Variants in DOCK3 observed in about 807,000 individuals in gnomAD.
DOCK3 encodes the protein dedicator of cytokinesis protein 3.
Under a neutral mutation model 265.6 loss-of-function variants are expected in DOCK3, and 60 were observed. The ratio of observed to expected loss-of-function variants is 0.23; its 90% confidence interval spans 0.18 to 0.28. The LOEUF (loss-of-function observed/expected upper bound fraction) is 0.28, where lower values mean the gene tolerates loss of function less well. Ranked by LOEUF, DOCK3 falls within the 10% of genes least tolerant of loss-of-function variation. The pLI, the probability that DOCK3 is intolerant of heterozygous loss-of-function variation, is 1.00. For missense variants in DOCK3, 1,981 were observed against 2,594.3 expected (o/e 0.76, Z 5.14); for synonymous variants, 881 against 938.0 (o/e 0.94, Z 1.11).
chr3:50,710,459 GAT>G (rs1330708699), intron 1 of DOCK3, among the ~76,000 whole-genome samples: 1 of 152,052 alleles, frequency 6.6e-6, no homozygotes, highest in East Asian at 1.9e-4. Context: ...ACTACAATGA[GAT>G]ACCACCTTAC....
At chr3:50,781,125 G>A (rs2041888568) in intron 2 of DOCK3, among the ~76,000 whole-genome samples, 1 of 151,532 alleles carries the variant, frequency 6.6e-6, no homozygotes, top group Non-Finnish European at 1.5e-5. Context: ...AAGTGCTGAT[G>A]TCTCTTCAAT....
At chr3:51,276,221 T>C (rs2080811757) in intron 25 of DOCK3, 1 of 283,198 alleles carries the variant, frequency 3.5e-6, no homozygotes, top group Admixed American at 6.5e-5. Flanking sequence ...GGGTCTAGCT[T>C]GGCAGAGAGT....
chr3:51,072,982 A>G (rs987801543), intron 6 of DOCK3, among the ~76,000 whole-genome samples: 2 of 151,662 alleles, frequency 1.3e-5, no homozygotes, highest in Non-Finnish European at 2.9e-5. Context: ...GTCTGGGATT[A>G]TAGGCATGAG....
intron 1 of DOCK3, among the ~76,000 whole-genome samples, chr3:50,725,767 C>A (rs1179725763): frequency 1.3e-5 from 2 of 152,150 alleles, no homozygotes; most frequent in African/African-American, 4.8e-5. Flanking sequence ...TACATTTTGA[C>A]CTGTCTGCTA....
In DOCK3 at chr3:50,778,803, C is replaced by T. The variant is rs1452961882; in HGVS notation, c.121+45C>T. The T allele has an allele frequency of 3.7e-6, 5 of 1,359,194 alleles. No homozygotes were observed. In the African/African-American group the frequency reaches 5.8e-5, roughly 16 times the overall value. The allele number at this position is 1,359,194 out of a possible 1,614,324, so 84.2% of individuals were successfully genotyped here. A position where few individuals can be genotyped will look rare whatever the true frequency, so the allele number is the denominator to read the frequency against. ...GCACATAAATTGTGATCATTTTTGG[C>T]AGTATTATATACATTTATTTTGTGC... On this transcript the variant is annotated intron_variant, in intron 2 of 52. Transcript: ENST00000266037.
intron 12 of DOCK3, among the ~76,000 whole-genome samples, chr3:51,190,703 A>G (rs2087889724): frequency 6.6e-6 from 1 of 152,044 alleles, no homozygotes. Flanking sequence ...TACCCAGGAG[A>G]GGTATTCTGG....
In DOCK3 at chr3:50,995,083, G is replaced by T. The variant is rs140900641; in HGVS notation, c.315+61006G>T. Among the ~76,000 whole-genome samples the T allele has an allele frequency of 7.4e-3, 1,122 of 152,172 alleles. 7 individuals carry two copies. Among genetic ancestry groups the T allele is most frequent in the African/African-American group, 0.011 (440 of 41,538 alleles). On this transcript the variant is annotated intron_variant, in intron 5 of 52. Transcript: ENST00000266037. ...CATATTTCCAAATGAAAAGCATTTG[G>T]ATTCTCACATTTAGTATTATTTTAA...
chr3:51,065,450 T>C (rs2081558819), intron 6 of DOCK3, among the ~76,000 whole-genome samples: 2 of 152,190 alleles, frequency 1.3e-5, no homozygotes, highest in Non-Finnish European at 2.9e-5. Context: ...ATCCATTATA[T>C]GTGGAGGAAA....
intron 1 of DOCK3, among the ~76,000 whole-genome samples, chr3:50,777,339 G>C (rs1276009553): frequency 6.6e-6 from 1 of 151,986 alleles, no homozygotes; most frequent in Non-Finnish European, 1.5e-5. Flanking sequence ...CTATAGCCCT[G>C]TAGTATAATT....
intron 3 of DOCK3, among the ~76,000 whole-genome samples, chr3:50,847,671 G>T (rs1559718025): frequency 1.3e-5 from 2 of 151,914 alleles, no homozygotes; most frequent in African/African-American, 2.4e-5. Context: ...ATCATTTGTG[G>T]CCAGGAGTTC....
At chr3:50,688,536 C>T (rs901910110) in intron 1 of DOCK3, among the ~76,000 whole-genome samples, 60 of 152,162 alleles carry the variant, frequency 3.9e-4, no homozygotes, top group African/African-American at 7.2e-5. Context: ...AATCTCGGCT[C>T]GCTGCAACCT....
At chr3:51,285,488 A>G (rs9839560) in intron 27 of DOCK3, among the ~76,000 whole-genome samples, 2 of 151,760 alleles carry the variant, frequency 1.3e-5, no homozygotes, top group Non-Finnish European at 2.9e-5. Flanking sequence ...ATAAGTACCA[A>G]ACAAATCATA....
At chr3:50,895,861 G>T (rs1439703133) in intron 4 of DOCK3, among the ~76,000 whole-genome samples, 1 of 151,954 alleles carries the variant, frequency 6.6e-6, no homozygotes, top group Non-Finnish European at 1.5e-5. Flanking sequence ...CTTTTTTATG[G>T]CTGCATAGTA....
intron 1 of DOCK3, among the ~76,000 whole-genome samples, chr3:50,676,607 C>A (rs1352121295): frequency 6.6e-6 from 1 of 151,806 alleles, no homozygotes; most frequent in Admixed American, 6.6e-5. Context: ...ATAACTCGCT[C>A]CCAGAACTGC....
At position 51,161,304 on chromosome 3, in the gene DOCK3, T is replaced by C. The variant is rs546892320; in HGVS notation, c.1037+602T>C. Reference sequence around the variant, plus strand: ...CTAAAAATACAAAAAATTAGCTGGGTGTGGTGGCGGACGCCTATAGTCCCA... The same window carrying C: ...CTAAAAATACAAAAAATTAGCTGGGCGTGGTGGCGGACGCCTATAGTCCCA... On this transcript the variant is annotated intron_variant, in intron 12 of 52. Coordinates refer to ENST00000266037, the MANE Select transcript of DOCK3 (RefSeq NM_004947.5). 5.2e-4 allele frequency among the ~76,000 whole-genome samples: 78 copies of C among 150,242 alleles called. No homozygotes were observed. In the South Asian group the frequency reaches 7.4e-3, roughly 14 times the overall value.
chr3:50,946,179 T>C (rs1253168577), intron 5 of DOCK3, among the ~76,000 whole-genome samples: 1 of 151,966 alleles, frequency 6.6e-6, no homozygotes, highest in African/African-American at 2.4e-5. Flanking sequence ...TTGACTTTTG[T>C]TGCTATTTCA....
intron 40 of DOCK3, among the ~76,000 whole-genome samples, chr3:51,350,692 A>G (rs564783269): frequency 3.9e-5 from 6 of 152,082 alleles, no homozygotes; most frequent in Non-Finnish European, 5.9e-5. Flanking sequence ...GGTGCCTTCC[A>G]ACTTCTGCCT....
chr3:50,899,632 A>G (rs932101192), intron 4 of DOCK3, among the ~76,000 whole-genome samples: 2 of 151,960 alleles, frequency 1.3e-5, no homozygotes, highest in Non-Finnish European at 2.9e-5. Flanking sequence ...TCCTTTCCAT[A>G]TTTAGTGCTT....
At chr3:50,919,568 G>C (rs997446547) in intron 4 of DOCK3, among the ~76,000 whole-genome samples, 4 of 151,986 alleles carry the variant, frequency 2.6e-5, no homozygotes, top group Admixed American at 6.6e-5. Flanking sequence ...TACTGGTGTA[G>C]AGGAATGCTT....
Sources: allele counts gnomAD v4.1 joint callset (sites outside exome capture counted in the v4.1 genomes callset), GRCh38; gene constraint gnomAD v4.1.1; transcripts MANE v1.5; gene names NCBI Gene and HGNC (gene_info 2026-07-23, HGNC 2026-07-21).